SPECC1L: variants seen among roughly 807,000 people sequenced by gnomAD.
The protein encoded by SPECC1L is cytospin-A.
A neutral mutation model predicts 116.8 loss-of-function variants in SPECC1L; 40 were observed. That is an observed-to-expected ratio of 0.34 (90% confidence interval 0.27 to 0.45). The LOEUF (loss-of-function observed/expected upper bound fraction) is 0.45, where lower values mean the gene tolerates loss of function less well. SPECC1L is among the 20% of genes least tolerant of loss of function. The pLI is 1.00. For synonymous variants in SPECC1L, 504 were observed against 500.6 expected, an observed-to-expected ratio of 1.01 and a Z score of -0.09; for missense variants, 1,110 against 1,373.6, an observed-to-expected ratio of 0.81 and a Z score of 3.03.
At chr22:24,293,849 G>A (rs925575180) in intron 2 of SPECC1L, among the ~76,000 whole-genome samples, 11 of 102,482 alleles carry the variant, frequency 1.1e-4, no homozygotes, top group Non-Finnish European at 2.2e-4. Context: ...GAGTGAGAGT[G>A]GTACTTTTAT....
Position 24,365,598 on chromosome 22 carries a change from G to A in SPECC1L, c.2950G>A (p.Ala984Thr). ...PQLSLSSSPT[A>T]SVTPTTRSRI... The stretch of plus-strand genomic sequence containing the variant: ...GCTTTCCCTGTCCTCTTCTCCAACG[G>A]CATCTGTGACTCCCACCACCCGAAG... Residue 984 changes from alanine to threonine, a missense_variant, in exon 13 of 17, where the codon GCA (alanine) becomes ACA (threonine). Physicochemically the swap from Ala to Thr is moderately conservative, Grantham distance 58. This residue lies in a region of SPECC1L where 575 missense variants were observed against 682.4 expected (regional missense o/e 0.84). Coordinates refer to ENST00000314328, the MANE Select transcript of SPECC1L (RefSeq NM_015330.6). 1.2e-6 allele frequency: 2 copies of A among 1,614,088 alleles called. No homozygotes were observed. Among genetic ancestry groups the A allele is most frequent in the East Asian group, 2.2e-5 (1 of 44,866 alleles).
At chr22:24,398,936 G>A (rs1184084760) in intron 14 of SPECC1L, among the ~76,000 whole-genome samples, 4 of 152,204 alleles carry the variant, frequency 2.6e-5, no homozygotes, top group African/African-American at 4.8e-5. Context: ...TTTCAGTTGA[G>A]ATTGCATTTT....
At chr22:24,350,339 T>G (rs1406406907) in intron 11 of SPECC1L, among the ~76,000 whole-genome samples, 1 of 152,146 alleles carries the variant, frequency 6.6e-6, no homozygotes, top group African/African-American at 2.4e-5. Context: ...AAGGCAAGAT[T>G]GGTGTCTGTT....
intron 14 of SPECC1L, among the ~76,000 whole-genome samples, chr22:24,386,569 A>C (rs1243572727): frequency 1.3e-5 from 2 of 151,798 alleles, no homozygotes; most frequent in East Asian, 1.9e-4. Flanking sequence ...CAAGTGAAAA[A>C]ATTTTCAGGA....
chr22:24,328,263 G>T (rs2040870127), intron 6 of SPECC1L, among the ~76,000 whole-genome samples: 1 of 152,126 alleles, frequency 6.6e-6, no homozygotes, highest in South Asian at 2.1e-4. Flanking sequence ...TAGAGTGAAT[G>T]AAATTGTTCT....
intron 3 of SPECC1L, among the ~76,000 whole-genome samples, chr22:24,303,259 A>G (rs1259762090): frequency 1.3e-5 from 2 of 152,120 alleles, no homozygotes; most frequent in Non-Finnish European, 2.9e-5. Flanking sequence ...TGGTTTTTCT[A>G]TTCTAAGGTT....
chr22:24,290,800 A>C (rs1372287770), intron 2 of SPECC1L, among the ~76,000 whole-genome samples: 1 of 152,252 alleles, frequency 6.6e-6, no homozygotes, highest in Non-Finnish European at 1.5e-5. Flanking sequence ...TGTGTGTCAT[A>C]ATTCACCATA....
chr22:24,291,298 T>C (rs781642247), intron 2 of SPECC1L, among the ~76,000 whole-genome samples: 4 of 152,208 alleles, frequency 2.6e-5, no homozygotes, highest in Non-Finnish European at 4.4e-5. Context: ...ACTAATCCAC[T>C]CTCCTTTATA....
rs751981921 is a variant in SPECC1L, at chr22:24,355,281, CAAAAAAA to C, written c.2744-7964_2744-7958del. ...TTGGCAACAGAGTGAGACTCCATCT[CAAAAAAA>C]AAAAAAAAAAAAAAAGGAAACCAAG... is the stretch of plus-strand genomic sequence containing the variant. On this transcript the variant is annotated intron_variant, in intron 11 of 16. Coordinates refer to ENST00000314328, the MANE Select transcript of SPECC1L (RefSeq NM_015330.6). 5.5e-4 allele frequency among the ~76,000 whole-genome samples: 31 copies of C among 56,012 alleles called. No homozygotes were observed. In the East Asian group the frequency reaches 0.011, roughly 20 times the overall value. The allele number at this position is 56,012 out of a possible 152,430, so 36.7% of individuals were successfully genotyped here. A position where few individuals can be genotyped will look rare whatever the true frequency, so the allele number is the denominator to read the frequency against.
At chr22:24,351,122 G>GT (rs972624448) in intron 11 of SPECC1L, among the ~76,000 whole-genome samples, 13 of 152,172 alleles carry the variant, frequency 8.5e-5, no homozygotes, top group Non-Finnish European at 5.9e-5. Flanking sequence ...TCTTGATGGG[G>GT]TTAGAGCAGG....
At chr22:24,358,289 G>C (rs553474158) in intron 11 of SPECC1L, among the ~76,000 whole-genome samples, 3 of 151,740 alleles carry the variant, frequency 2.0e-5, no homozygotes, top group Non-Finnish European at 4.4e-5. Flanking sequence ...TAATGTTTTT[G>C]TAGAGGTGGG....
chr22:24,373,691 A>T (rs375858329), intron 14 of SPECC1L, among the ~76,000 whole-genome samples: 8 of 152,170 alleles, frequency 5.3e-5, no homozygotes, highest in African/African-American at 1.7e-4. Flanking sequence ...AACCTAGGCA[A>T]TACCATTCAG....
intron 3 of SPECC1L, among the ~76,000 whole-genome samples, chr22:24,303,409 T>C (rs2049422604): frequency 6.6e-6 from 1 of 152,188 alleles, no homozygotes; most frequent in Non-Finnish European, 1.5e-5. Flanking sequence ...CCAGCTTCCA[T>C]TGTCTCAGTG....
Position 24,306,385 on chromosome 22 carries a change from A to AT in SPECC1L, c.153+4008dup, listed in dbSNP as rs1601527110. On this transcript the variant is annotated intron_variant, in intron 3 of 16. Coordinates refer to ENST00000314328, the MANE Select transcript of SPECC1L (RefSeq NM_015330.6). ...TTTAATTTTTAATTTTAATTTTTTA[A>AT]TTTTTTTAAGAGATGGAGTCTTACT... Among the ~76,000 whole-genome samples, 5 of 148,042 alleles carry AT rather than the reference A, an allele frequency of 3.4e-5. No homozygotes were observed. The South Asian group carries it at 6.5e-4, about 19-fold the overall frequency.
intron 8 of SPECC1L, among the ~76,000 whole-genome samples, chr22:24,331,233 G>A (rs553796374): frequency 6.6e-6 from 1 of 152,312 alleles, no homozygotes; most frequent in Admixed American, 6.5e-5. Flanking sequence ...TCCTTAGTTT[G>A]AGTAATTATT....
chr22:24,412,345 A>C (rs1352070151), intron 15 of SPECC1L: 3 of 475,232 alleles, frequency 6.3e-6, no homozygotes, highest in African/African-American at 3.9e-5. Context: ...GTTCCTAACT[A>C]GCTTTTGGGG....
chr22:24,320,028 C>T (rs868159972), intron 4 of SPECC1L, among the ~76,000 whole-genome samples: 1 of 152,200 alleles, frequency 6.6e-6, no homozygotes, highest in Admixed American at 6.5e-5. Flanking sequence ...AATCCCAGCA[C>T]GCTGGGAGAC....
intron 11 of SPECC1L, among the ~76,000 whole-genome samples, chr22:24,361,365 G>A (rs1358242284): frequency 6.6e-6 from 1 of 151,752 alleles, no homozygotes; most frequent in Admixed American, 6.6e-5. Flanking sequence ...CTCTAGCCTG[G>A]GCAACAGAGC....
intron 3 of SPECC1L, among the ~76,000 whole-genome samples, chr22:24,308,234 C>T (rs1234563806): frequency 6.6e-6 from 1 of 151,864 alleles, no homozygotes; most frequent in East Asian, 1.9e-4. Flanking sequence ...TAAATTTTGC[C>T]AGTTGTGCTA....
Sources: allele counts gnomAD v4.1 joint callset (sites outside exome capture counted in the v4.1 genomes callset), GRCh38; gene constraint gnomAD v4.1.1; regional missense constraint gnomAD v4.1.1; transcripts MANE v1.5; gene names NCBI Gene and HGNC (gene_info 2026-07-23, HGNC 2026-07-21).